The following MMP17 variants were observed in gnomAD, a reference collection of about 807,000 sequenced individuals.
MMP17 encodes the protein matrix metallopeptidase 17, also known as matrix metalloproteinase-17.
Under a neutral mutation model 49.1 loss-of-function variants are expected in MMP17, and 54 were observed. The ratio of observed to expected loss-of-function variants is 1.10; its 90% CI spans 0.88 to 1.38. MMP17 has a LOEUF of 1.38. MMP17 is among the 40% of genes most tolerant of loss of function. MMP17 has a pLI of 0.00. For synonymous variants in MMP17, 397 were observed against 383.1 expected (o/e 1.04, Z -0.42); for missense variants, 837 against 853.7 (o/e 0.98, Z 0.24).
rs981248164 is a variant in MMP17 at position 131,851,219 on chromosome 12, T to C, written c.1757T>C (p.Leu586Pro). The stretch of plus-strand genomic sequence containing the variant: ...GTGGCTGCCACCATGCTGCTGCTGC[T>C]GCCGCCACTGTCACCAGGCGCCCTG... Reference protein sequence around the residue: ...PLVAATMLLLLPPLSPGALWT... With the variant: ...PLVAATMLLLPPPLSPGALWT... The change falls in exon 10 of 10, where the codon CTG becomes CCG. Residue 586 changes from leucine to proline, a missense_variant. By Grantham distance (98) the Leu-to-Pro change is moderately conservative (BLOSUM62 -3). Transcript: ENST00000360564. 6.9e-7 allele frequency: 1 copy of C among 1,450,974 alleles called. No homozygotes were observed. The highest frequency in any genetic ancestry group is 9.1e-7 in the Non-Finnish European group (1 of 1,099,394). The allele number at this position is 1,450,974 out of a possible 1,614,324, so 89.9% of individuals were successfully genotyped here.
chr12:131,840,520 G>A, intron 3 of MMP17, 53 bp from the exon 4 acceptor site: 6 of 1,520,538 alleles, frequency 3.9e-6, no homozygotes, highest in Non-Finnish European at 5.3e-6. Flanking sequence ...ACCTCGGCCT[G>A]GGGCACGTGG....
At position 131,846,653 on chromosome 12, in the gene MMP17, A is replaced by G. The variant is rs766269699; in HGVS notation, c.1204+1204A>G. Among the ~76,000 whole-genome samples, 1 of 151,908 alleles carries G rather than the reference A, an allele frequency of 6.6e-6. No individual in the cohort carries two copies. The highest frequency in any genetic ancestry group is 1.5e-5 in the Non-Finnish European group (1 of 67,962). On this transcript the variant is annotated intron_variant, in intron 8 of 9. Transcript: ENST00000360564. This position sits in a 1 kb window ranked among gnomAD's most constrained non-coding sequence, Gnocchi z 4.6. ...GTGTCCCAAAGTGCCAAGATTACAG[A>G]TGTGAGCCACTGCACCCGGCCTGCC...
chr12:131,846,405 C>G lies in MMP17; in HGVS notation c.1204+956C>G, dbSNP rs1486653446. On this transcript the variant is annotated intron_variant, in intron 8 of 9. Transcript: ENST00000360564. The surrounding 1 kb of genome is among the most constrained non-coding windows in gnomAD (Gnocchi z 4.6). ...GTTTTTTGTTTTTCTGAGACAAAGTCTCACTCTGTTGCCCAGGCTGGAATG... is the reference window on the plus strand; with the variant it reads ...GTTTTTTGTTTTTCTGAGACAAAGTGTCACTCTGTTGCCCAGGCTGGAATG... 6.6e-6 allele frequency among the ~76,000 whole-genome samples: 1 copy of G among 152,150 alleles called. No homozygotes were observed. Among genetic ancestry groups the G allele is most frequent in the Admixed American group, 6.5e-5 (1 of 15,270 alleles).
At chr12:131,841,025 G>C (rs572377076) in intron 4 of MMP17, among the ~76,000 whole-genome samples, 169 bp downstream of exon 4, 1 of 152,248 alleles carries the variant, frequency 6.6e-6, no homozygotes, top group African/African-American at 2.4e-5. Context: ...ATCTGTGCTC[G>C]GCCCGGCTGA....
At chr12:131,837,722 C>T (rs1005702571) in intron 1 of MMP17, among the ~76,000 whole-genome samples, 4 of 152,250 alleles carry the variant, frequency 2.6e-5, no homozygotes, top group African/African-American at 4.8e-5. Flanking sequence ...TTTATTTATT[C>T]ATTTTTTAGA....
intron 3 of MMP17, among the ~76,000 whole-genome samples, chr12:131,838,958 G>A (rs1047473409): frequency 6.6e-6 from 1 of 152,156 alleles, no homozygotes; most frequent in Non-Finnish European, 1.5e-5. Flanking sequence ...CGGGTGCGTG[G>A]CCAGGGTGAG....
chr12:131,845,130 C>T lies in MMP17; in HGVS notation c.981C>T (p.Asp327=), dbSNP rs756840716. The T allele has an allele frequency of 1.1e-5, 18 of 1,600,510 alleles. No homozygotes were observed. Among genetic ancestry groups the T allele is most frequent in the Middle Eastern group, 1.7e-4 (1 of 6,038 alleles). Residue 327 remains aspartate, a synonymous_variant, in exon 7 of 10, where the codon GAC becomes GAT. Transcript: ENST00000360564. ...TCTCTCCCTGCAGGCCCAGGAAGGA[C>T]GTGCCCCACAGATGCAGCACTCACT... ...DNRSSAPPRK[D]VPHRCSTHFD...
Position 131,828,440 on chromosome 12 carries a change from C to T in MMP17, c.-55C>T, listed in dbSNP as rs992859042. ...GAGCGGAGGGCGCCGGGCTGCGGAACGCGAAGCGGAGGGCGCGGGACCCTG... is the reference window on the plus strand; with the variant it reads ...GAGCGGAGGGCGCCGGGCTGCGGAATGCGAAGCGGAGGGCGCGGGACCCTG... On this transcript the variant is annotated 5_prime_UTR_variant, in exon 1 of 10. In the 5' UTR this introduces an upstream ATG that the reference lacks. Transcript: ENST00000360564. 54 of 962,760 alleles carry T rather than the reference C, an allele frequency of 5.6e-5. No individual in the cohort carries two copies. Among genetic ancestry groups the T allele is most frequent in the African/African-American group, 8.8e-5 (5 of 56,624 alleles). The allele number at this position is 962,760 out of a possible 1,614,324, so 59.6% of individuals were successfully genotyped here.
rs756587865 is a variant in MMP17 at position 131,846,859 on chromosome 12, G to A, written c.1204+1410G>A. ...CTTGCCGAGGTAAAGGGTGTTCTGC[G>A]TGTCTGTCAGGGGAACCACTTCCTG... On this transcript the variant is annotated intron_variant, in intron 8 of 9. Coordinates refer to ENST00000360564, the MANE Select transcript of MMP17 (RefSeq NM_016155.7). This position sits in a 1 kb window ranked among gnomAD's most constrained non-coding sequence, Gnocchi z 4.6. Among the ~76,000 whole-genome samples the A allele has an allele frequency of 5.3e-5, 8 of 152,142 alleles. No individual in the cohort carries two copies. The highest frequency in any genetic ancestry group is 2.1e-4 in the South Asian group (1 of 4,826).
rs1206049548 is a variant in MMP17 at position 131,838,260 on chromosome 12, A to G, written c.225A>G (p.Gln75=). The G allele has an allele frequency of 6.2e-7, 1 of 1,613,282 alleles. No homozygotes were observed. The highest frequency in any genetic ancestry group is 1.7e-5 in the Admixed American group (1 of 60,024). ...CCACAACAGGGCAGCTGCAGACGCA[A>G]GAGGAGCTGTCTAAGGCCATCACAG... ...ADPTTGQLQT[Q]EELSKAITAM... is the part of the protein sequence containing the mutation. Residue 75 remains glutamine (Q), a synonymous_variant, in exon 2 of 10, where the codon CAA becomes CAG. Transcript: ENST00000360564.
chr12:131,831,446 G>A (rs1886789285), intron 1 of MMP17, among the ~76,000 whole-genome samples: 2 of 152,116 alleles, frequency 1.3e-5, no homozygotes, highest in African/African-American at 4.8e-5. Context: ...GGCTTCTGCC[G>A]GTGGCCTCTG....
In MMP17 at chr12:131,846,337, G is replaced by T. The variant is rs922966485; in HGVS notation, c.1204+888G>T. Among the ~76,000 whole-genome samples, 1 of 152,072 alleles carries T rather than the reference G, an allele frequency of 6.6e-6. No individual in the cohort carries two copies. Among genetic ancestry groups the T allele is most frequent in the African/African-American group, 2.4e-5 (1 of 41,418 alleles). On this transcript the variant is annotated intron_variant, in intron 8 of 9. Transcript: ENST00000360564. This position sits in a 1 kb window ranked among gnomAD's most constrained non-coding sequence, Gnocchi z 4.6. ...GCATCTTCTCTTATAAGGAAGCCGG[G>T]CCTTGATTCAGGTCCCCTAGTCCTG...
chr12:131,834,295 G>A (rs570579624), intron 1 of MMP17, among the ~76,000 whole-genome samples: 89 of 145,600 alleles, frequency 6.1e-4, no homozygotes, highest in South Asian at 2.7e-3. Flanking sequence ...CCCTCCTCCC[G>A]GCAGCCCCTC....
chr12:131,848,434 A>G (rs983483234), intron 8 of MMP17, among the ~76,000 whole-genome samples: 12 of 147,130 alleles, frequency 8.2e-5, no homozygotes, highest in Admixed American at 8.2e-4. Flanking sequence ...ACACTTTACT[A>G]TTTCAGCCAT....
Position 131,845,425 on chromosome 12 carries a change from G to C in MMP17, c.1180G>C (p.Asp394His). ...GGACGCCGTGTACGAGCGCACCAGC[G>C]ACCACAAGATCGTCTTCTTTAAAGG... ...SVDAVYERTS[D>H]HKIVFFKGDR... The change falls in exon 8 of 10, where the codon GAC becomes CAC. Residue 394 changes from aspartate to histidine, a missense_variant. Physicochemically the swap from Asp to His is moderately conservative, Grantham distance 81 (BLOSUM62 -1). Coordinates refer to ENST00000360564, the MANE Select transcript of MMP17 (RefSeq NM_016155.7). 1 of 1,576,778 alleles carries C rather than the reference G, an allele frequency of 6.3e-7. No individual in the cohort carries two copies. The highest frequency in any genetic ancestry group is 8.6e-7 in the Non-Finnish European group (1 of 1,163,344).
rs779474152 is a variant in MMP17 at position 131,845,311 on chromosome 12, C to T, written c.1066C>T (p.Arg356Trp). The T allele has an allele frequency of 3.1e-5, 49 of 1,606,496 alleles. No homozygotes were observed. Among genetic ancestry groups the T allele is most frequent in the Middle Eastern group, 3.3e-4 (2 of 6,064 alleles). Residue 356 changes from arginine to tryptophan, a missense_variant, in exon 8 of 10, where the codon CGG becomes TGG. Transcript: ENST00000360564. The part of the protein sequence containing the change: ...AFFFKGKYFW[R>W]LTRDRHLVSL... ...TGTGCCCCCAGGCAAGTACTTCTGGCGGCTGACGCGGGACCGGCACCTGGT... is the reference window on the plus strand; with the variant it reads ...TGTGCCCCCAGGCAAGTACTTCTGGTGGCTGACGCGGGACCGGCACCTGGT...
chr12:131,832,570 G>A (rs1018617704), intron 1 of MMP17, among the ~76,000 whole-genome samples: 3 of 152,132 alleles, frequency 2.0e-5, no homozygotes, highest in Non-Finnish European at 2.9e-5. Flanking sequence ...CATGCAGGGC[G>A]GCGTTTCTGT....
intron 1 of MMP17, among the ~76,000 whole-genome samples, chr12:131,832,374 A>G: frequency 2.7e-5 from 1 of 37,074 alleles, no homozygotes; most frequent in Non-Finnish European, 5.0e-5. Context: ...GCTGGAGAGG[A>G]TCTTGTGGGG....
chr12:131,842,299 A>G (rs1344878623), intron 5 of MMP17, among the ~76,000 whole-genome samples: 1 of 152,116 alleles, frequency 6.6e-6, no homozygotes, highest in Non-Finnish European at 1.5e-5. Context: ...CGTGCATCAG[A>G]GGCCGACGCG....
Sources: gnomAD v4.1 joint callset for allele counts (sites outside exome capture counted in the v4.1 genomes callset) on GRCh38, gnomAD v4.1.1 for gene constraint, Gnocchi (gnomAD v3.1) non-coding constraint, MANE v1.5 for transcripts, NCBI Gene and HGNC (gene_info 2026-07-23, HGNC 2026-07-21) for gene names.